TSPYL5: variants seen among roughly 807,000 people sequenced by gnomAD.
TSPYL5 encodes testis-specific Y-encoded-like protein 5.
For synonymous variants in TSPYL5, 276 were observed against 236.1 expected (o/e 1.17, Z -1.55); for missense variants, 556 against 555.5 (o/e 1.00, Z -0.01).
rs1810511239 is a variant in TSPYL5, at chr8:97,276,212, C to A, written c.*379G>T. The A allele has an allele frequency of 5.0e-6, 1 of 201,710 alleles. No individual in the cohort carries two copies. Among genetic ancestry groups the A allele is most frequent in the Middle Eastern group, 2.1e-3 (1 of 486 alleles). The allele number at this position is 201,710 out of a possible 1,614,324, so 12.5% of individuals were successfully genotyped here. A position where few individuals can be genotyped will look rare whatever the true frequency, so the allele number is the denominator to read the frequency against. ...CATGAACACGAAGCCCAGCAAGTCA[C>A]TGGCCCTGAAGGAGCAGAGCTTGAG... On this transcript the variant is annotated 3_prime_UTR_variant, in exon 1 of 1. Coordinates refer to ENST00000322128, the MANE Select transcript of TSPYL5 (RefSeq NM_033512.3).
chr8:97,277,295 C>T lies in TSPYL5; in HGVS notation c.550G>A (p.Glu184Lys). Reference sequence around the variant, plus strand: ...CCTGCATCCCTCTCTTCCTTCTTTTCCTCCCCAGCTGACACCGAGGTATTC... The same window carrying T: ...CCTGCATCCCTCTCTTCCTTCTTTTTCTCCCCAGCTGACACCGAGGTATTC... ...GENTSVSAGE[E>K]KKEERDAGSG... Residue 184 changes from glutamate to lysine, a missense_variant, in exon 1 of 1, where the codon GAA (glutamate) becomes AAA (lysine). Physicochemically the swap from Glu to Lys is moderately conservative, Grantham distance 56 (BLOSUM62 1). Coordinates refer to ENST00000322128, the MANE Select transcript of TSPYL5 (RefSeq NM_033512.3). This position sits in a 1 kb window ranked among gnomAD's most constrained non-coding sequence, Gnocchi z 4.5. The T allele has an allele frequency of 5.6e-6, 9 of 1,613,206 alleles. No individual in the cohort carries two copies. Among genetic ancestry groups the T allele is most frequent in the Non-Finnish European group, 7.6e-6 (9 of 1,179,436 alleles).
Position 97,277,154 on chromosome 8 carries a change from CA to C in TSPYL5, c.690del (p.Phe230LeufsTer33). The C allele has an allele frequency of 6.2e-7, 1 of 1,611,008 alleles. No homozygotes were observed. Among genetic ancestry groups the C allele is most frequent in the Non-Finnish European group, 8.5e-7 (1 of 1,180,004 alleles). ...DRAYLRLSRK[F>X]GQLRLQHLER... ...TCCAAGTGCTGCAGTCGCAACTGCCCAAACTTCCTGGAGAGCCGAAGGTAGG... is the reference window on the plus strand; with the variant it reads ...TCCAAGTGCTGCAGTCGCAACTGCCCAACTTCCTGGAGAGCCGAAGGTAGG... On this transcript the variant is annotated frameshift_variant, in exon 1 of 1. Coordinates refer to ENST00000322128, the MANE Select transcript of TSPYL5 (RefSeq NM_033512.3). LOFTEE classifies it low-confidence loss of function (END_TRUNC). The surrounding 1 kb of genome is among the most constrained non-coding windows in gnomAD (Gnocchi z 4.5).
In TSPYL5 at chr8:97,277,228, T is replaced by A; in HGVS notation, c.617A>T (p.Glu206Val). 6.2e-7 allele frequency: 1 copy of A among 1,613,784 alleles called. No individual in the cohort carries two copies. Among genetic ancestry groups the A allele is most frequent in the Non-Finnish European group, 8.5e-7 (1 of 1,180,022 alleles). Residue 206 changes from glutamate to valine, a missense_variant, in exon 1 of 1, where the codon GAG becomes GTG. Transcript: ENST00000322128. The surrounding 1 kb of genome is among the most constrained non-coding windows in gnomAD (Gnocchi z 4.5). ...PATEGSMDTLENVQLKLENMN... is the reference protein window; with the variant it reads ...PATEGSMDTLVNVQLKLENMN... ...GTTCTCCAGCTTCAGCTGCACGTTC[T>A]CCAGCGTATCCATGCTGCCTTCCGT...
Position 97,276,587 on chromosome 8 carries a change from A to G in TSPYL5, c.*4T>C. ...CAGGAGGTAGCAGGGAGACTTGTGC[A>G]GGATCAGTTGGATTGGCTCACCCCA... is the stretch of plus-strand genomic sequence containing the variant. On this transcript the variant is annotated 3_prime_UTR_variant, in exon 1 of 1. Coordinates refer to ENST00000322128, the MANE Select transcript of TSPYL5 (RefSeq NM_033512.3). 1.2e-6 allele frequency: 2 copies of G among 1,610,646 alleles called. No homozygotes were observed. Among genetic ancestry groups the G allele is most frequent in the South Asian group, 2.2e-5 (2 of 90,390 alleles).
chr8:97,277,315 G>GTATTCTC lies in TSPYL5; in HGVS notation c.523_529dup (p.Thr177ArgfsTer94). The GTATTCTC allele has an allele frequency of 6.2e-7, 1 of 1,611,786 alleles. No individual in the cohort carries two copies. On this transcript the variant is annotated frameshift_variant, in exon 1 of 1. Coordinates refer to ENST00000322128, the MANE Select transcript of TSPYL5 (RefSeq NM_033512.3). LOFTEE classifies it low-confidence loss of function (END_TRUNC). This position sits in a 1 kb window ranked among gnomAD's most constrained non-coding sequence, Gnocchi z 4.5. The stretch of plus-strand genomic sequence containing the variant: ...CTTTTCCTCCCCAGCTGACACCGAG[G>GTATTCTC]TATTCTCCCCTGCCGCCCCTTTCTT...
In TSPYL5 at chr8:97,273,543, A is replaced by G. The variant is rs1382216335; in HGVS notation, c.*3048T>C. ...CATGCATGCAAACTTACAACTATTT[A>G]TACTGTTTAAGAACACAGAAATAAT... On this transcript the variant is annotated 3_prime_UTR_variant, in exon 1 of 1. Coordinates refer to ENST00000322128, the MANE Select transcript of TSPYL5 (RefSeq NM_033512.3). The G allele has an allele frequency of 3.3e-5, 5 of 152,640 alleles. No individual in the cohort carries two copies. Among genetic ancestry groups the G allele is most frequent in the Admixed American group, 6.5e-5 (1 of 15,284 alleles). 9.5% of individuals were successfully genotyped at this position (152,640 alleles called of 1,614,324 possible).
At position 97,275,310 on chromosome 8, in the gene TSPYL5, AT is replaced by A. The variant is rs1384469307; in HGVS notation, c.*1280del. On this transcript the variant is annotated 3_prime_UTR_variant, in exon 1 of 1. Coordinates refer to ENST00000322128, the MANE Select transcript of TSPYL5 (RefSeq NM_033512.3). The stretch of plus-strand genomic sequence containing the variant: ...TACCTCCCCAGCTGTATGTAGAAAA[AT>A]GTGGTTTTTCAGTTGTTTTCTCTGT... The A allele has an allele frequency of 6.6e-6, 1 of 151,964 alleles. No individual in the cohort carries two copies. Among genetic ancestry groups the A allele is most frequent in the Non-Finnish European group, 1.5e-5 (1 of 68,024 alleles). The allele number at this position is 151,964 out of a possible 1,614,324, so 9.4% of individuals were successfully genotyped here.
At position 97,276,676 on chromosome 8, in the gene TSPYL5, T is replaced by C; in HGVS notation, c.1169A>G (p.Glu390Gly). 6.2e-7 allele frequency: 1 copy of C among 1,614,186 alleles called. No individual in the cohort carries two copies. The highest frequency in any genetic ancestry group is 1.7e-5 in the Admixed American group (1 of 60,030). ...FYLLSEGARV[E>G]KGKEKEGRQG... ...CCTGCCTTCTTTTTCCTTTCCTTTCTCTACACGAGCCCCTTCACTCAAAAG... is the reference window on the plus strand; with the variant it reads ...CCTGCCTTCTTTTTCCTTTCCTTTCCCTACACGAGCCCCTTCACTCAAAAG... Residue 390 changes from glutamate to glycine, a missense_variant, in exon 1 of 1, where the codon GAG becomes GGG. Physicochemically the swap from Glu to Gly is moderately conservative, Grantham distance 98. Coordinates refer to ENST00000322128, the MANE Select transcript of TSPYL5 (RefSeq NM_033512.3).
At position 97,277,533 on chromosome 8, in the gene TSPYL5, G is replaced by A. The variant is rs1412772772; in HGVS notation, c.312C>T (p.Pro104=). 6.7e-7 allele frequency: 1 copy of A among 1,496,978 alleles called. No homozygotes were observed. The highest frequency in any genetic ancestry group is 8.9e-7 in the Non-Finnish European group (1 of 1,127,796). The allele number at this position is 1,496,978 out of a possible 1,614,324, so 92.7% of individuals were successfully genotyped here. Reference sequence around the variant, plus strand: ...AGAGAGATGCGGCCTTCCCCGGGCCGGGCCTGGCCGCGGCCTGCCCGTGGT... The same window carrying A: ...AGAGAGATGCGGCCTTCCCCGGGCCAGGCCTGGCCGCGGCCTGCCCGTGGT... ...AGDHGQAAAR[P]GPGKAASLSE... is the part of the protein sequence containing the mutation. Residue 104 remains proline, a synonymous_variant, in exon 1 of 1, where the codon CCC becomes CCT. Transcript: ENST00000322128. The surrounding 1 kb of genome is among the most constrained non-coding windows in gnomAD (Gnocchi z 4.5).
Position 97,274,774 on chromosome 8 carries a change from C to A in TSPYL5, c.*1817G>T. ...GGGAAGAACAGGTGTAGATACAGTC[C>A]TTCTTACCCACCCTCAGGGATAAGA... On this transcript the variant is annotated 3_prime_UTR_variant, in exon 1 of 1. Transcript: ENST00000322128. 1 of 151,922 alleles carries A rather than the reference C, an allele frequency of 6.6e-6. No individual in the cohort carries two copies. The highest frequency in any genetic ancestry group is 1.9e-4 in the East Asian group (1 of 5,150). 9.4% of individuals were successfully genotyped at this position (151,922 alleles called of 1,614,324 possible). A position where few individuals can be genotyped will look rare whatever the true frequency, so the allele number is the denominator to read the frequency against.
rs1810513454 is a variant in TSPYL5 at position 97,276,327 on chromosome 8, T to G, written c.*264A>C. On this transcript the variant is annotated 3_prime_UTR_variant, in exon 1 of 1. Coordinates refer to ENST00000322128, the MANE Select transcript of TSPYL5 (RefSeq NM_033512.3). ...AGAGCCAAGAACAAGGTCCAGGCAA[T>G]GTAGATAACAGGGAGCACACATCTA... is the stretch of plus-strand genomic sequence containing the variant. 2.4e-6 allele frequency: 1 copy of G among 421,020 alleles called. No homozygotes were observed. The highest frequency in any genetic ancestry group is 4.2e-6 in the Non-Finnish European group (1 of 237,828). 26.1% of individuals were successfully genotyped at this position (421,020 alleles called of 1,614,324 possible).
In TSPYL5 at chr8:97,277,482, G is replaced by A; in HGVS notation, c.363C>T (p.Val121=). The A allele has an allele frequency of 6.6e-7, 1 of 1,526,346 alleles. No homozygotes were observed. The highest frequency in any genetic ancestry group is 1.4e-5 in the African/African-American group (1 of 71,980). 94.6% of individuals were successfully genotyped at this position (1,526,346 alleles called of 1,614,324 possible). ...CCACGGTTCCCGCTGTTCCCACGAA[G>A]ACAGTGTCTGCGGCCAGGCGCTCCG... is the stretch of plus-strand genomic sequence containing the variant. ...SLSERLAADT[V]FVGTAGTVGR... Residue 121 remains valine (V), a synonymous_variant, in exon 1 of 1, where the codon GTC becomes GTT. Transcript: ENST00000322128. The surrounding 1 kb of genome is among the most constrained non-coding windows in gnomAD (Gnocchi z 4.5).
In TSPYL5 at chr8:97,276,385, G is replaced by A; in HGVS notation, c.*206C>T. ...TGTGCTTAACATATGAACAGTCCGG[G>A]TGCGATCACATAACATGTGACACTA... On this transcript the variant is annotated 3_prime_UTR_variant, in exon 1 of 1. Coordinates refer to ENST00000322128, the MANE Select transcript of TSPYL5 (RefSeq NM_033512.3). The A allele has an allele frequency of 1.5e-6, 1 of 647,458 alleles. No homozygotes were observed. Among genetic ancestry groups the A allele is most frequent in the South Asian group, 1.9e-5 (1 of 51,758 alleles). The allele number at this position is 647,458 out of a possible 1,614,324, so 40.1% of individuals were successfully genotyped here. A position where few individuals can be genotyped will look rare whatever the true frequency, so the allele number is the denominator to read the frequency against.
rs1344736751 is a variant in TSPYL5, at chr8:97,277,830, ACTTCGG to A, written c.9_14del (p.Ser5_Arg6del). On this transcript the variant is annotated inframe_deletion, in exon 1 of 1. Coordinates refer to ENST00000322128, the MANE Select transcript of TSPYL5 (RefSeq NM_033512.3). The surrounding 1 kb of genome is among the most constrained non-coding windows in gnomAD (Gnocchi z 4.5). ...TGGCGCGGGAGGACTTTCGACCCCG[ACTTCGG>A]CCGCTCATGGTGGCGGCGGAGGCAG... The A allele has an allele frequency of 6.9e-7, 1 of 1,450,130 alleles. No homozygotes were observed. The highest frequency in any genetic ancestry group is 9.1e-7 in the Non-Finnish European group (1 of 1,104,718). The allele number at this position is 1,450,130 out of a possible 1,614,324, so 89.8% of individuals were successfully genotyped here.
At position 97,277,526 on chromosome 8, in the gene TSPYL5, C is replaced by T. The variant is rs1271230539; in HGVS notation, c.319G>A (p.Gly107Arg). The part of the protein sequence containing the change: ...HGQAAARPGP[G>R]KAASLSERLA... The stretch of plus-strand genomic sequence containing the variant: ...CGCTCCGAGAGAGATGCGGCCTTCC[C>T]CGGGCCGGGCCTGGCCGCGGCCTGC... Residue 107 changes from glycine (G) to arginine (R), a missense_variant, in exon 1 of 1, where the codon GGG (glycine) becomes AGG (arginine). Transcript: ENST00000322128. This position sits in a 1 kb window ranked among gnomAD's most constrained non-coding sequence, Gnocchi z 4.5. 6.6e-7 allele frequency: 1 copy of T among 1,504,626 alleles called. No homozygotes were observed. Among genetic ancestry groups the T allele is most frequent in the Non-Finnish European group, 8.8e-7 (1 of 1,131,678 alleles). The allele number at this position is 1,504,626 out of a possible 1,614,324, so 93.2% of individuals were successfully genotyped here. A position where few individuals can be genotyped will look rare whatever the true frequency, so the allele number is the denominator to read the frequency against.
Position 97,277,434 on chromosome 8 carries a change from G to C in TSPYL5, c.411C>G (p.Arg137=). The C allele has an allele frequency of 6.5e-7, 1 of 1,546,978 alleles. No homozygotes were observed. Among genetic ancestry groups the C allele is most frequent in the South Asian group, 1.3e-5 (1 of 78,766 alleles). The change falls in exon 1 of 1, where the codon CGC becomes CGG. Residue 137 remains arginine, a synonymous_variant. Coordinates refer to ENST00000322128, the MANE Select transcript of TSPYL5 (RefSeq NM_033512.3). This position sits in a 1 kb window ranked among gnomAD's most constrained non-coding sequence, Gnocchi z 4.5. The part of the protein sequence containing the change: ...GTVGRPKNAP[R]VGNRRGPAGK... ...CGGCAGGGCCACGCCGGTTTCCAAC[G>C]CGGGGGGCATTTTTCGGCCTTCCCA...
rs1810552484 is a variant in TSPYL5 at position 97,277,653 on chromosome 8, G to A, written c.192C>T (p.Ala64=). Residue 64 remains alanine (A), a synonymous_variant, in exon 1 of 1, where the codon GCC becomes GCT. Coordinates refer to ENST00000322128, the MANE Select transcript of TSPYL5 (RefSeq NM_033512.3). This position sits in a 1 kb window ranked among gnomAD's most constrained non-coding sequence, Gnocchi z 4.5. ...GCCGGAGGAGCTGCGCGGACGCAGC[G>A]GCTTCCAGGCCACCCCACCCCGCGC... is the stretch of plus-strand genomic sequence containing the variant. ...QAGAGWGGLE[A]AASAQLLRLG... The A allele has an allele frequency of 2.7e-6, 4 of 1,469,630 alleles. No individual in the cohort carries two copies. The highest frequency in any genetic ancestry group is 1.8e-4 in the Middle Eastern group (1 of 5,660). The allele number at this position is 1,469,630 out of a possible 1,614,324, so 91.0% of individuals were successfully genotyped here. A position where few individuals can be genotyped will look rare whatever the true frequency, so the allele number is the denominator to read the frequency against.
In TSPYL5 at chr8:97,277,345, C is replaced by T. The variant is rs143013209; in HGVS notation, c.500G>A (p.Arg167Lys). The T allele has an allele frequency of 6.2e-7, 1 of 1,609,272 alleles. No individual in the cohort carries two copies. The highest frequency in any genetic ancestry group is 1.7e-4 in the Middle Eastern group (1 of 6,036). The change falls in exon 1 of 1, where the codon AGG (arginine) becomes AAG (lysine). Residue 167 changes from arginine (R) to lysine (K), a missense_variant. Arg to Lys is a conservative substitution (Grantham distance 26). Transcript: ENST00000322128. This position sits in a 1 kb window ranked among gnomAD's most constrained non-coding sequence, Gnocchi z 4.5. ...CTCCCCTGCCGCCCCTTTCTTCTGC[C>T]TCCCACCAGCTATGACCTGAGGCCC... ...GRGPQVIAGG[R>K]QKKGAAGENT...
Position 97,277,280 on chromosome 8 carries a change from T to C in TSPYL5, c.565A>G (p.Arg189Gly). Reference sequence around the variant, plus strand: ...GCTGGGGGCCCCGACCCTGCATCCCTCTCTTCCTTCTTTTCCTCCCCAGCT... The same window carrying C: ...GCTGGGGGCCCCGACCCTGCATCCCCCTCTTCCTTCTTTTCCTCCCCAGCT... ...VSAGEEKKEE[R>G]DAGSGPPATE... Residue 189 changes from arginine to glycine, a missense_variant, in exon 1 of 1, where the codon AGG becomes GGG. Arg to Gly is a moderately radical substitution (Grantham distance 125). Transcript: ENST00000322128. The surrounding 1 kb of genome is among the most constrained non-coding windows in gnomAD (Gnocchi z 4.5). 6.2e-7 allele frequency: 1 copy of C among 1,613,488 alleles called. No individual in the cohort carries two copies. Among genetic ancestry groups the C allele is most frequent in the African/African-American group, 1.3e-5 (1 of 75,000 alleles).
Sources: allele counts gnomAD v4.1 joint callset, GRCh38; gene constraint gnomAD v4.1.1; non-coding constraint Gnocchi (gnomAD v3.1); transcripts MANE v1.5; gene names NCBI Gene and HGNC (gene_info 2026-07-23, HGNC 2026-07-21).